CDR2: variants seen among roughly 807,000 people sequenced by gnomAD.
CDR2 encodes cerebellar degeneration related protein 2, also known as cerebellar degeneration-related protein 2.
In CDR2, 34 loss-of-function variants were observed where a neutral mutation model predicts 48.4. The observed-to-expected ratio is 0.70, with a 90% CI of 0.53 to 0.94. CDR2 has a LOEUF of 0.94. CDR2 is among the 40% of genes least tolerant of loss of function. The pLI is 0.00. For synonymous variants in CDR2, 240 were observed against 219.7 expected (o/e 1.09, Z -0.82); for missense variants, 498 against 549.5 (o/e 0.91, Z 0.94).
intron 1 of CDR2, among the ~76,000 whole-genome samples, chr16:22,366,718 A>G (rs1221989561): frequency 2.0e-5 from 3 of 152,150 alleles, no homozygotes; most frequent in East Asian, 1.9e-4. Flanking sequence ...AAAGAGGTCA[A>G]GAGTTTGGCC....
chr16:22,352,105 A>G (rs2048945805), intron 2 of CDR2, among the ~76,000 whole-genome samples: 1 of 152,212 alleles, frequency 6.6e-6, no homozygotes, highest in Non-Finnish European at 1.5e-5. Flanking sequence ...TACAAAAATT[A>G]GTCCGGCGTG....
At chr16:22,349,203 A>C in intron 4 of CDR2, 76 bp downstream of exon 4, 1 of 1,485,668 alleles carries the variant, frequency 6.7e-7, no homozygotes, top group South Asian at 1.2e-5. Flanking sequence ...TGGTACTTTC[A>C]ATCTACTGGA....
Position 22,347,101 on chromosome 16 carries a change from G to A in CDR2, c.1229C>T (p.Pro410Leu). ...ASGWELASVN[P>L]EPVSSPTTPP... ...TGTTGTAGGGGAACTCACGGGCTCT[G>A]GGTTGACAGAGGCCAGTTCCCAGCC... Residue 410 changes from proline (P) to leucine (L), a missense_variant, in exon 5 of 5, where the codon CCA becomes CTA. Coordinates refer to ENST00000268383, the MANE Select transcript of CDR2 (RefSeq NM_001802.2). 1 of 1,614,186 alleles carries A rather than the reference G, an allele frequency of 6.2e-7. No individual in the cohort carries two copies. Among genetic ancestry groups the A allele is most frequent in the Non-Finnish European group, 8.5e-7 (1 of 1,180,020 alleles).
intron 4 of CDR2, 188 bp downstream of exon 4, chr16:22,349,091 C>G: frequency 1.7e-6 from 1 of 572,566 alleles, no homozygotes; most frequent in Non-Finnish European, 3.1e-6. Flanking sequence ...CCAAGACTTT[C>G]AAAATGAGAA....
chr16:22,349,653 T>C (rs377755824), intron 3 of CDR2, 48 bp downstream of exon 3: 3 of 1,595,846 alleles, frequency 1.9e-6, no homozygotes, highest in Non-Finnish European at 2.6e-6. Flanking sequence ...TAGTTTATAC[T>C]AAAGAACTTC....
chr16:22,347,933 A>T, intron 4 of CDR2, 110 bp from the exon 5 acceptor site: 3 of 1,085,394 alleles, frequency 2.8e-6, no homozygotes, highest in Non-Finnish European at 3.9e-6. Context: ...TGTGACAGTG[A>T]CTAATTTTTT....
At chr16:22,357,775 A>G (rs575776800) in intron 2 of CDR2, among the ~76,000 whole-genome samples, 10 of 152,366 alleles carry the variant, frequency 6.6e-5, no homozygotes, top group African/African-American at 2.2e-4. Context: ...CAATATGCAA[A>G]TAAGTACAAA....
intron 4 of CDR2, among the ~76,000 whole-genome samples, chr16:22,348,607 C>T (rs995513782): frequency 1.3e-5 from 2 of 152,190 alleles, no homozygotes; most frequent in Admixed American, 6.5e-5. Flanking sequence ...GCTTTTTACC[C>T]GCACCTAGAA....
chr16:22,348,869 T>G (rs1248755980), intron 4 of CDR2, among the ~76,000 whole-genome samples: 3 of 152,224 alleles, frequency 2.0e-5, no homozygotes, highest in Non-Finnish European at 4.4e-5. Context: ...GCCACACAAG[T>G]GTTCCATAAA....
intron 1 of CDR2, among the ~76,000 whole-genome samples, chr16:22,368,307 T>G (rs1262636004): frequency 2.6e-5 from 4 of 152,152 alleles, no homozygotes; most frequent in Non-Finnish European, 5.9e-5. Flanking sequence ...CCTCCTGGAT[T>G]CAAGTGATTC....
At chr16:22,356,919 C>T (rs928938183) in intron 2 of CDR2, among the ~76,000 whole-genome samples, 1 of 93,674 alleles carries the variant, frequency 1.1e-5, no homozygotes, top group African/African-American at 4.3e-5. Flanking sequence ...CCAACCTCAG[C>T]AACAGAACAA....
At chr16:22,348,831 G>A (rs567218872) in intron 4 of CDR2, among the ~76,000 whole-genome samples, 19 of 152,214 alleles carry the variant, frequency 1.2e-4, no homozygotes, top group South Asian at 8.3e-4. Flanking sequence ...TATTTTGCTC[G>A]CCAACCCTTG....
intron 4 of CDR2, 68 bp from the exon 5 acceptor site, chr16:22,347,891 G>A: frequency 7.1e-7 from 1 of 1,406,620 alleles, no homozygotes; most frequent in African/African-American, 1.4e-5. Flanking sequence ...GAAGACTGGT[G>A]ATTTTTTTTC....
intron 3 of CDR2, 93 bp downstream of exon 3, chr16:22,349,608 T>C: frequency 6.9e-7 from 1 of 1,444,230 alleles, no homozygotes; most frequent in Non-Finnish European, 9.5e-7. Flanking sequence ...CCTTATCCCA[T>C]ATTGACCCAA....
chr16:22,371,700 A>C (rs1567351274), intron 1 of CDR2, among the ~76,000 whole-genome samples: 2 of 152,230 alleles, frequency 1.3e-5, no homozygotes, highest in Non-Finnish European at 2.9e-5. Context: ...GGCCATATTC[A>C]CAAGTTACAA....
At chr16:22,353,680 G>GCCCCTAGACAAAGTTCTT (rs1446189837) in intron 2 of CDR2, among the ~76,000 whole-genome samples, 17 of 152,050 alleles carry the variant, frequency 1.1e-4, no homozygotes, top group African/African-American at 4.1e-4. Context: ...CACAAGTTCT[G>GCCCCTAGACAAAGTTCTT]CCCCTAGACA....
chr16:22,347,235 C>T lies in CDR2; in HGVS notation c.1095G>A (p.Lys365=), dbSNP rs1457745728. 5.0e-6 allele frequency: 8 copies of T among 1,614,110 alleles called. No individual in the cohort carries two copies. In the South Asian group the frequency reaches 7.7e-5, roughly 16 times the overall value. ...ALKVKYEELL[K]KCQEEQDSLS... is the part of the protein sequence containing the mutation. Reference sequence around the variant, plus strand: ...GGGAGTCCTGTTCCTCTTGGCACTTCTTCAGCAACTCTTCATACTTCACCT... The same window carrying T: ...GGGAGTCCTGTTCCTCTTGGCACTTTTTCAGCAACTCTTCATACTTCACCT... The change falls in exon 5 of 5, where the codon AAG becomes AAA. Residue 365 remains lysine, a synonymous_variant. Coordinates refer to ENST00000268383, the MANE Select transcript of CDR2 (RefSeq NM_001802.2).
intron 2 of CDR2, among the ~76,000 whole-genome samples, chr16:22,355,125 T>A (rs1245323250): frequency 7.9e-5 from 12 of 152,246 alleles, no homozygotes; most frequent in African/African-American, 2.9e-4. Context: ...GACGTTTTAT[T>A]TTAACCACAA....
intron 2 of CDR2, among the ~76,000 whole-genome samples, chr16:22,360,551 A>G (rs942346116): frequency 6.6e-6 from 1 of 152,028 alleles, no homozygotes; most frequent in African/African-American, 2.4e-5. Flanking sequence ...TATTTCCATA[A>G]TAAGTCAGAA....
Sources: gnomAD v4.1 joint callset for allele counts (sites outside exome capture counted in the v4.1 genomes callset) on GRCh38, gnomAD v4.1.1 for gene constraint, MANE v1.5 for transcripts, NCBI Gene and HGNC (gene_info 2026-07-23, HGNC 2026-07-21) for gene names.